The following ANO3 variants were observed in gnomAD, a reference collection of about 807,000 sequenced individuals.
ANO3 encodes the protein anoctamin 3.
Under a neutral mutation model 144.8 loss-of-function variants are expected in ANO3, and 99 were observed. The observed-to-expected ratio is 0.68, with a 90% CI of 0.58 to 0.81. The LOEUF (loss-of-function observed/expected upper bound fraction) is 0.81, where lower values mean the gene tolerates loss of function less well. Ranked by LOEUF, ANO3 falls within the 30% of genes least tolerant of loss-of-function variation. ANO3 has a pLI of 0.00. For synonymous variants in ANO3, 414 were observed against 392.6 expected (o/e 1.05, Z -0.64); for missense variants, 905 against 1,202.2 (o/e 0.75, Z 3.66).
intron 1 of ANO3, among the ~76,000 whole-genome samples, chr11:26,382,529 A>T (rs1452193183): frequency 6.6e-6 from 1 of 152,188 alleles, no homozygotes; most frequent in Non-Finnish European, 1.5e-5. Flanking sequence ...TATAAAAATT[A>T]GTCTTATTTT....
chr11:26,401,987 A>G (rs1208588502), intron 1 of ANO3, among the ~76,000 whole-genome samples: 4 of 152,070 alleles, frequency 2.6e-5, no homozygotes, highest in African/African-American at 4.8e-5. Flanking sequence ...CATTCTTTTT[A>G]TGGTTACATA....
intron 7 of ANO3, among the ~76,000 whole-genome samples, chr11:26,530,453 C>CTGTA (rs1466332143): frequency 7.5e-6 from 1 of 133,048 alleles, no homozygotes; most frequent in African/African-American, 3.2e-5. Context: ...TATCATCTAT[C>CTGTA]TGTCTGTCTA....
Position 26,524,167 on chromosome 11 carries a change from G to C in ANO3, c.693-1468G>C, listed in dbSNP as rs375189996. Among the ~76,000 whole-genome samples the C allele has an allele frequency of 3.4e-3, 517 of 152,236 alleles. 3 individuals are homozygous for C. Among genetic ancestry groups the C allele is most frequent in the South Asian group, 0.021 (99 of 4,816 alleles). ...ATAGTGCAAGACAATATATGTACCG[G>C]TGGTTCTGAAGAAAAGATGAGTTTA... On this transcript the variant is annotated intron_variant, in intron 6 of 26. Transcript: ENST00000256737.
chr11:26,407,072 G>GTATATA (rs1453977441), intron 1 of ANO3, among the ~76,000 whole-genome samples: 9 of 101,464 alleles, frequency 8.9e-5, no homozygotes, highest in South Asian at 7.4e-4. Flanking sequence ...GTGTGTGTGT[G>GTATATA]TGTGTATATA....
intron 7 of ANO3, among the ~76,000 whole-genome samples, chr11:26,527,906 C>T (rs1849206540): frequency 6.6e-6 from 1 of 152,208 alleles, no homozygotes; most frequent in East Asian, 1.9e-4. Flanking sequence ...CCACACACCC[C>T]ATGCCCTGCT....
intron 4 of ANO3, among the ~76,000 whole-genome samples, chr11:26,475,821 G>C (rs918114250): frequency 4.6e-5 from 7 of 152,010 alleles, no homozygotes; most frequent in Non-Finnish European, 8.8e-5. Flanking sequence ...TGATATTTAA[G>C]GTTCAAATCT....
At chr11:26,464,686 T>C (rs945966841) in intron 4 of ANO3, among the ~76,000 whole-genome samples, 2 of 151,786 alleles carry the variant, frequency 1.3e-5, no homozygotes, top group African/African-American at 4.8e-5. Context: ...AAGAGAATGG[T>C]GTATGACTAT....
chr11:26,635,484 T>C (rs1042111149), intron 20 of ANO3, among the ~76,000 whole-genome samples: 2 of 152,176 alleles, frequency 1.3e-5, no homozygotes. Flanking sequence ...TATTTCTTTA[T>C]TGATTTACAA....
At chr11:26,449,472 GTCTC>G (rs144315408) in intron 3 of ANO3, among the ~76,000 whole-genome samples, 31 of 140,518 alleles carry the variant, frequency 2.2e-4, no homozygotes, top group Non-Finnish European at 3.4e-4. Flanking sequence ...CTGTCTGTCT[GTCTC>G]TCTCTCTCTC....
chr11:26,523,500 C>T (rs118080482), intron 6 of ANO3, among the ~76,000 whole-genome samples: 3,349 of 152,192 alleles, frequency 0.022, 62 homozygotes, highest in Non-Finnish European at 0.035. Context: ...AAAGACGGCT[C>T]CTAAATCCTG....
At chr11:26,260,378 A>G (rs534404835) in intron 1 of ANO3, among the ~76,000 whole-genome samples, 1 of 152,288 alleles carries the variant, frequency 6.6e-6, no homozygotes, top group South Asian at 2.1e-4. Context: ...ACTACTTTTT[A>G]CAAGTGAAGA....
intron 21 of ANO3, among the ~76,000 whole-genome samples, chr11:26,640,055 C>T (rs11029658): frequency 0.38 from 57,248 of 151,512 alleles, 11,651 homozygotes; most frequent in South Asian, 0.49. Flanking sequence ...TCAGAACATT[C>T]TTGAACAAAG....
At chr11:26,394,293 A>T (rs1274955552) in intron 1 of ANO3, among the ~76,000 whole-genome samples, 4 of 152,178 alleles carry the variant, frequency 2.6e-5, no homozygotes, top group Non-Finnish European at 5.9e-5. Context: ...AAAACAATTT[A>T]AAAAATCAGA....
At chr11:26,427,096 T>G (rs1468482603) in intron 1 of ANO3, 1 of 184,764 alleles carries the variant, frequency 5.4e-6, no homozygotes, top group Non-Finnish European at 1.2e-5. Context: ...GAACCTTCCC[T>G]GCTTCATCAA....
chr11:26,373,307 T>A (rs1856314536), intron 1 of ANO3, among the ~76,000 whole-genome samples: 1 of 152,306 alleles, frequency 6.6e-6, no homozygotes, highest in Non-Finnish European at 1.5e-5. Context: ...TCCCCCATGC[T>A]GTTTTCATAA....
chr11:26,290,670 C>T (rs1399435775), intron 1 of ANO3, among the ~76,000 whole-genome samples: 1 of 152,174 alleles, frequency 6.6e-6, no homozygotes, highest in Non-Finnish European at 1.5e-5. Context: ...ATTATTTACC[C>T]AGTAGTCATT....
intron 1 of ANO3, among the ~76,000 whole-genome samples, chr11:26,339,291 A>T (rs569616115): frequency 6.6e-6 from 1 of 151,936 alleles, no homozygotes; most frequent in Non-Finnish European, 1.5e-5. Context: ...AGTAGCTGGG[A>T]TTACAGGCCC....
intron 1 of ANO3, among the ~76,000 whole-genome samples, chr11:26,348,861 C>G (rs1460935142): frequency 6.6e-6 from 1 of 152,158 alleles, no homozygotes; most frequent in Non-Finnish European, 1.5e-5. Context: ...AGGACACTGA[C>G]GGGGTGTACA....
intron 1 of ANO3, among the ~76,000 whole-genome samples, chr11:26,261,256 A>G (rs935217243): frequency 2.0e-5 from 3 of 151,854 alleles, no homozygotes; most frequent in Non-Finnish European, 2.9e-5. Flanking sequence ...TTTATTTTCA[A>G]TCTACACACT....
Sources: gnomAD v4.1 joint callset for allele counts (sites outside exome capture counted in the v4.1 genomes callset) on GRCh38, gnomAD v4.1.1 for gene constraint, MANE v1.5 for transcripts, NCBI Gene and HGNC (gene_info 2026-07-23, HGNC 2026-07-21) for gene names.